The following RELCH variants were observed in gnomAD, a reference collection of about 807,000 sequenced individuals.
RELCH encodes the protein RAB11-binding protein RELCH.
Under a neutral mutation model 150.3 loss-of-function variants are expected in RELCH, and 41 were observed. The ratio of observed to expected loss-of-function variants is 0.27; its 90% CI spans 0.21 to 0.35. The LOEUF is 0.35. RELCH is among the 10% of genes least tolerant of loss of function. The pLI, the probability that RELCH is intolerant of heterozygous loss-of-function variation, is 1.00. For missense variants in RELCH, 1,092 were observed against 1,467.8 expected (o/e 0.74, Z 4.18); for synonymous variants, 478 against 531.8 (o/e 0.90, Z 1.39).
intron 16 of RELCH, 33 bp downstream of exon 16, chr18:62,261,691 G>C (rs1568397218): frequency 6.3e-7 from 1 of 1,577,928 alleles, no homozygotes; most frequent in Admixed American, 1.8e-5. Flanking sequence ...GAAAAATGTA[G>C]AATATTAGCA....
At chr18:62,230,448 A>G (rs969133634) in intron 8 of RELCH, among the ~76,000 whole-genome samples, 2 of 152,126 alleles carry the variant, frequency 1.3e-5, no homozygotes, top group African/African-American at 4.8e-5. Context: ...ACTGAGCTCC[A>G]TTTTGTGGTG....
chr18:62,305,505 T>C lies in RELCH; in HGVS notation c.3622T>C (p.Leu1208=), dbSNP rs367570580. ...MGQLTTSGAM[L]ANVFQRKK Reference sequence around the variant, plus strand: ...CCAGTTGACAACATCAGGTGCCATGTTGGCCAATGTATTTCAGAGAAAGAA... The same window carrying C: ...CCAGTTGACAACATCAGGTGCCATGCTGGCCAATGTATTTCAGAGAAAGAA... The change falls in exon 29 of 29, where the codon TTG becomes CTG. Residue 1208 remains leucine (L), a synonymous_variant. Coordinates refer to ENST00000644646, the MANE Select transcript of RELCH (RefSeq NM_001346231.2). The surrounding 1 kb of genome is among the most constrained non-coding windows in gnomAD (Gnocchi z 4.0). 5.6e-6 allele frequency: 9 copies of C among 1,610,284 alleles called. No individual in the cohort carries two copies. Among genetic ancestry groups the C allele is most frequent in the Middle Eastern group, 1.6e-4 (1 of 6,066 alleles).
intron 5 of RELCH, among the ~76,000 whole-genome samples, chr18:62,227,051 G>A (rs1021564727): frequency 2.0e-5 from 3 of 151,624 alleles, no homozygotes; most frequent in Non-Finnish European, 2.9e-5. Context: ...TGATTGGTTC[G>A]GCACAGTGGC....
chr18:62,252,521 AAAATAAAT>A, intron 11 of RELCH, 135 bp from the exon 12 acceptor site: 1 of 660,248 alleles, frequency 1.5e-6, no homozygotes, highest in South Asian at 2.0e-5. Context: ...TATCTCAAAA[AAAATAAAT>A]AAATAAAAAG....
chr18:62,287,763 G>A (rs1015915504), intron 26 of RELCH, among the ~76,000 whole-genome samples: 2 of 152,020 alleles, frequency 1.3e-5, no homozygotes, highest in Non-Finnish European at 2.9e-5. Flanking sequence ...AGAAATAAAG[G>A]GCAGAAAGAA....
intron 5 of RELCH, among the ~76,000 whole-genome samples, chr18:62,226,375 T>A (rs1483560154): frequency 2.0e-5 from 3 of 152,086 alleles, no homozygotes; most frequent in African/African-American, 7.2e-5. Flanking sequence ...ACACAACAAA[T>A]TGAAGAGTAG....
chr18:62,244,562 A>G (rs974099064), intron 10 of RELCH, among the ~76,000 whole-genome samples: 3 of 152,212 alleles, frequency 2.0e-5, no homozygotes, highest in Non-Finnish European at 2.9e-5. Context: ...TTACATTGTG[A>G]TTTACATTTC....
intron 1 of RELCH, among the ~76,000 whole-genome samples, chr18:62,188,872 G>C (rs1323280566): frequency 6.6e-6 from 1 of 152,154 alleles, no homozygotes; most frequent in African/African-American, 2.4e-5. Flanking sequence ...CTTTTGGGAG[G>C]TATCTTAAAT....
At chr18:62,207,106 C>T (rs1231436591) in intron 1 of RELCH, among the ~76,000 whole-genome samples, 1 of 152,040 alleles carries the variant, frequency 6.6e-6, no homozygotes, top group Non-Finnish European at 1.5e-5. Context: ...TGTTCATAAT[C>T]CCCAAAACAA....
chr18:62,213,688 C>G (rs1343264445), intron 2 of RELCH, among the ~76,000 whole-genome samples: 1 of 145,174 alleles, frequency 6.9e-6, no homozygotes, highest in African/African-American at 2.5e-5. Flanking sequence ...CAAGATTATA[C>G]CTCTGCACTC....
At position 62,211,175 on chromosome 18, in the gene RELCH, C is replaced by A. The variant is rs2040140770; in HGVS notation, c.549C>A (p.Thr183=). The A allele has an allele frequency of 6.2e-7, 1 of 1,604,364 alleles. No homozygotes were observed. The highest frequency in any genetic ancestry group is 1.7e-5 in the Admixed American group (1 of 59,834). ...GQLNRAGSIS[T]LDSLDFARYS... ...TAGATCGAGCTGGGAGCATTAGTAC[C>A]CTTGATTCTTTAGACTTTGCAAGAT... The change falls in exon 2 of 29, where the codon ACC becomes ACA. Residue 183 remains threonine, a synonymous_variant. Coordinates refer to ENST00000644646, the MANE Select transcript of RELCH (RefSeq NM_001346231.2).
intron 11 of RELCH, chr18:62,246,443 G>A (rs1056479248): frequency 2.0e-4 from 31 of 152,110 alleles, no homozygotes; most frequent in African/African-American, 7.5e-4. Context: ...CTGGTTTAAG[G>A]TAGTGATAGG....
chr18:62,190,210 A>T (rs1295478968), intron 1 of RELCH, among the ~76,000 whole-genome samples: 3 of 152,256 alleles, frequency 2.0e-5, no homozygotes, highest in South Asian at 4.1e-4. Context: ...TAAAATTTGC[A>T]TACAGTAAAA....
chr18:62,205,005 C>A lies in RELCH; in HGVS notation c.527-6148C>A, dbSNP rs569700909. Among the ~76,000 whole-genome samples, 146 of 152,266 alleles carry A rather than the reference C, an allele frequency of 9.6e-4. 1 individual carries two copies. The highest frequency in any genetic ancestry group is 3.4e-3 in the African/African-American group (142 of 41,564). ...TTATGAAAAGTTCAAAGCATACAGACAAGTTGAAAGAATTTTTTACCCATA... is the reference window on the plus strand; with the variant it reads ...TTATGAAAAGTTCAAAGCATACAGAAAAGTTGAAAGAATTTTTTACCCATA... On this transcript the variant is annotated intron_variant, in intron 1 of 28. Transcript: ENST00000644646.
chr18:62,193,743 C>A (rs966902377), intron 1 of RELCH, among the ~76,000 whole-genome samples: 1 of 152,096 alleles, frequency 6.6e-6, no homozygotes, highest in Non-Finnish European at 1.5e-5. Context: ...AACTTTTTGA[C>A]GTGCTGCTGG....
intron 2 of RELCH, among the ~76,000 whole-genome samples, chr18:62,217,245 A>G (rs2148346689): frequency 6.6e-6 from 1 of 152,076 alleles, no homozygotes; most frequent in East Asian, 1.9e-4. Flanking sequence ...AAAAGTGGGA[A>G]AAAAGAAAAA....
intron 8 of RELCH, among the ~76,000 whole-genome samples, chr18:62,229,485 G>GGTGTGTGTGTGTGTGTGTGTGT (rs58842870): frequency 4.9e-5 from 7 of 143,320 alleles, no homozygotes; most frequent in African/African-American, 1.6e-4. Flanking sequence ...GTATAGTAGG[G>GGTGTGTGTGTGTGTGTGTGTGT]GTGTGTGTGT....
At chr18:62,294,187 A>G (rs1467318403) in intron 27 of RELCH, among the ~76,000 whole-genome samples, 3 of 152,208 alleles carry the variant, frequency 2.0e-5, no homozygotes, top group Non-Finnish European at 4.4e-5. Context: ...CTTATGATGC[A>G]CATGTACAAA....
rs2045907423 is a variant in RELCH at position 62,307,262 on chromosome 18, T to TAG, written c.*1729_*1730insGA. On this transcript the variant is annotated 3_prime_UTR_variant, in exon 29 of 29. Coordinates refer to ENST00000644646, the MANE Select transcript of RELCH (RefSeq NM_001346231.2). Reference sequence around the variant, plus strand: ...TTATATAAATTTACCTATTTTGGTTTATTTTTACTAAAAGGGGACCATGTT... The same window carrying TAG: ...TTATATAAATTTACCTATTTTGGTTTAGATTTTTACTAAAAGGGGACCATGTT... 1 of 152,016 alleles carries TAG rather than the reference T, an allele frequency of 6.6e-6. No individual in the cohort carries two copies. The highest frequency in any genetic ancestry group is 1.5e-5 in the Non-Finnish European group (1 of 67,972). 9.4% of individuals were successfully genotyped at this position (152,016 alleles called of 1,614,324 possible). A position where few individuals can be genotyped will look rare whatever the true frequency, so the allele number is the denominator to read the frequency against.
Sources: allele counts gnomAD v4.1 joint callset (sites outside exome capture counted in the v4.1 genomes callset), GRCh38; gene constraint gnomAD v4.1.1; non-coding constraint Gnocchi (gnomAD v3.1); transcripts MANE v1.5; gene names NCBI Gene and HGNC (gene_info 2026-07-23, HGNC 2026-07-21).